RAB38: variants seen among roughly 807,000 people sequenced by gnomAD.
RAB38 encodes the protein ras-related protein Rab-38.
A neutral mutation model predicts 18.4 loss-of-function variants in RAB38; 15 were observed. The observed-to-expected ratio is 0.82, with a 90% CI of 0.55 to 1.26. The LOEUF is 1.26. Ranked by LOEUF, RAB38 falls within the 50% of genes most tolerant of loss-of-function variation. RAB38 has a pLI of 0.00. For missense variants in RAB38, 294 were observed against 267.4 expected (o/e 1.10, Z -0.69); for synonymous variants, 101 against 104.4 (o/e 0.97, Z 0.20).
At chr11:87,977,133 A>AAATAT in the RAB38 span, among the ~76,000 whole-genome samples, 1 of 10,654 alleles carries the variant, frequency 9.4e-5, no homozygotes, top group African/African-American at 2.8e-4. Context: ...GTATATTATA[A>AAATAT]AATTATATTA....
At chr11:87,859,726 C>G in the RAB38 span, among the ~76,000 whole-genome samples, 26 of 152,128 alleles carry the variant, frequency 1.7e-4, 1 homozygote, top group South Asian at 5.2e-3. Context: ...TCAGAAACAT[C>G]TTGTTTCAGG....
chr11:88,088,977 T>G, the RAB38 span, among the ~76,000 whole-genome samples: 1 of 150,924 alleles, frequency 6.6e-6, no homozygotes, highest in Non-Finnish European at 1.5e-5. Context: ...GATAGACACA[T>G]CATCATAATC....
chr11:87,873,922 G>GTGTGTGTATA, the RAB38 span, among the ~76,000 whole-genome samples: 2 of 103,120 alleles, frequency 1.9e-5, no homozygotes, highest in African/African-American at 7.6e-5. Context: ...GTGTGTGTGT[G>GTGTGTGTATA]TATATATATA....
the RAB38 span, among the ~76,000 whole-genome samples, chr11:87,828,294 A>T: frequency 6.6e-6 from 1 of 152,292 alleles, no homozygotes; most frequent in African/African-American, 2.4e-5. Context: ...TCTTGCTTAG[A>T]CTATCAAGAA....
intron 2 of RAB38, among the ~76,000 whole-genome samples, chr11:88,137,778 G>GTTTTT (rs1337338048): frequency 6.6e-6 from 1 of 152,198 alleles, no homozygotes; most frequent in Non-Finnish European, 1.5e-5. Flanking sequence ...CAGGGGTAAA[G>GTTTTT]AGATGATTCT....
chr11:87,880,809 A>G, the RAB38 span, among the ~76,000 whole-genome samples: 3 of 151,974 alleles, frequency 2.0e-5, no homozygotes, highest in African/African-American at 7.2e-5. Flanking sequence ...TATTCCACAA[A>G]TAGTTAATGA....
At chr11:88,137,101 T>G (rs61909933) in intron 2 of RAB38, among the ~76,000 whole-genome samples, 26,799 of 152,176 alleles carry the variant, frequency 0.18, 2,425 homozygotes, top group Middle Eastern at 0.23. Flanking sequence ...GAAGAGTTTT[T>G]CTATAGAGAA....
At chr11:87,936,723 G>T in the RAB38 span, among the ~76,000 whole-genome samples, 1 of 152,100 alleles carries the variant, frequency 6.6e-6, no homozygotes, top group Non-Finnish European at 1.5e-5. Context: ...AAATCTTGGT[G>T]GGATTGTGGT....
At chr11:88,074,043 C>A in the RAB38 span, among the ~76,000 whole-genome samples, 1 of 123,826 alleles carries the variant, frequency 8.1e-6, no homozygotes. Context: ...ATAGAAAATT[C>A]CCTAAAAAAA....
the RAB38 span, among the ~76,000 whole-genome samples, chr11:88,018,758 TATCTA>T: frequency 2.0e-5 from 3 of 152,174 alleles, no homozygotes; most frequent in African/African-American, 7.2e-5. Flanking sequence ...TTACTTATAA[TATCTA>T]ATACAATGTA....
chr11:87,928,634 A>G, the RAB38 span, among the ~76,000 whole-genome samples: 1 of 152,118 alleles, frequency 6.6e-6, no homozygotes, highest in Non-Finnish European at 1.5e-5. Flanking sequence ...CACTGTCAAC[A>G]CAATAGTTAA....
intron 2 of RAB38, among the ~76,000 whole-genome samples, chr11:88,119,410 G>A (rs772247894): frequency 1.3e-5 from 2 of 152,064 alleles, no homozygotes; most frequent in African/African-American, 4.8e-5. Flanking sequence ...CACTTAAAAT[G>A]TACAGCCAAT....
chr11:88,111,264 T>C (rs1057172901), downstream of RAB38, among the ~76,000 whole-genome samples: 9 of 152,042 alleles, frequency 5.9e-5, no homozygotes, highest in African/African-American at 9.7e-5. Context: ...GATGGAGGCA[T>C]CAAGAGGCAC....
At chr11:87,974,786 A>T in the RAB38 span, among the ~76,000 whole-genome samples, 2 of 151,876 alleles carry the variant, frequency 1.3e-5, no homozygotes, top group African/African-American at 4.8e-5. Flanking sequence ...TCAAATCAGA[A>T]AAAATGATGA....
the RAB38 span, among the ~76,000 whole-genome samples, chr11:87,951,155 C>A: frequency 5.3e-5 from 8 of 152,150 alleles, no homozygotes; most frequent in Non-Finnish European, 1.2e-4. Context: ...ATCACTGATA[C>A]CCTTTCTTCC....
chr11:87,900,531 T>C, the RAB38 span, among the ~76,000 whole-genome samples: 2 of 151,656 alleles, frequency 1.3e-5, no homozygotes, highest in African/African-American at 2.4e-5. Flanking sequence ...AATACTTATA[T>C]TCACCAGCTA....
chr11:87,832,085 T>C, the RAB38 span, among the ~76,000 whole-genome samples: 1 of 152,204 alleles, frequency 6.6e-6, no homozygotes, highest in African/African-American at 2.4e-5. Flanking sequence ...TGTGTGATAT[T>C]AGGTAAGCTA....
the RAB38 span, among the ~76,000 whole-genome samples, chr11:87,920,665 T>C: frequency 6.6e-6 from 1 of 151,960 alleles, no homozygotes; most frequent in Non-Finnish European, 1.5e-5. Context: ...TGGTCTAAAG[T>C]ACAGTTTAAG....
intron 2 of RAB38, among the ~76,000 whole-genome samples, chr11:88,130,334 C>T (rs921700546): frequency 6.6e-6 from 1 of 152,068 alleles, no homozygotes; most frequent in Admixed American, 6.6e-5. Flanking sequence ...AGAACAGATT[C>T]GAGCGGTGTC....
Sources: gnomAD v4.1 joint callset for allele counts (sites outside exome capture counted in the v4.1 genomes callset) on GRCh38, gnomAD v4.1.1 for gene constraint, MANE v1.5 for transcripts, NCBI Gene and HGNC (gene_info 2026-07-23, HGNC 2026-07-21) for gene names.